Variants in PRSS35 observed in about 807,000 individuals in gnomAD.
The protein encoded by PRSS35 is serine protease 35, also known as inactive serine protease 35.
PRSS35 carries 7 observed loss-of-function variants against 8.1 expected under a neutral mutation model. That is an observed-to-expected ratio of 0.86 (90% CI 0.49 to 1.62). PRSS35 has a LOEUF of 1.62. PRSS35 is among the 40% of genes most tolerant of loss of function. The pLI is 0.00. For missense variants in PRSS35, 566 were observed against 518.0 expected, an observed-to-expected ratio of 1.09 and a Z score of -0.90; for synonymous variants, 199 against 188.7, an observed-to-expected ratio of 1.05 and a Z score of -0.45.
Position 83,517,576 on chromosome 6 carries a change from CT to C in PRSS35, c.-21+4886del, listed in dbSNP as rs374068001. 2.6e-3 allele frequency among the ~76,000 whole-genome samples: 401 copies of C among 152,318 alleles called. 1 individual carries two copies. The highest frequency in any genetic ancestry group is 8.7e-3 in the African/African-American group (360 of 41,570). On this transcript the variant is annotated intron_variant, in intron 1 of 1. Transcript: ENST00000369700. Reference sequence around the variant, plus strand: ...AATTCTCCCCCTCTCCTGCTGTGGCCTTTTGCCTAAGCCATTTCTCTCTGCA... The same window carrying C: ...AATTCTCCCCCTCTCCTGCTGTGGCCTTTGCCTAAGCCATTTCTCTCTGCA...
chr6:83,521,848 G>A (rs932616924), intron 1 of PRSS35, among the ~76,000 whole-genome samples: 1 of 151,944 alleles, frequency 6.6e-6, no homozygotes, highest in Non-Finnish European at 1.5e-5. Context: ...ATTATGTTAT[G>A]TTTTCATTAA....
intron 1 of PRSS35, among the ~76,000 whole-genome samples, chr6:83,518,897 A>G (rs1246486433): frequency 6.6e-6 from 1 of 152,162 alleles, no homozygotes; most frequent in Non-Finnish European, 1.5e-5. Context: ...TATTATCCCC[A>G]CTTTGCAGAT....
At position 83,524,619 on chromosome 6, in the gene PRSS35, C is replaced by A. The variant is rs775688536; in HGVS notation, c.1178C>A (p.Pro393His). The A allele has an allele frequency of 1.9e-6, 3 of 1,613,980 alleles. No homozygotes were observed. The East Asian group carries it at 6.7e-5, about 36-fold the overall frequency. Reference sequence around the variant, plus strand: ...TACAACGTTGCTGTTCGCATCACTCCCCTAAAATACGCCCAGATTTGCCTC... The same window carrying A: ...TACAACGTTGCTGTTCGCATCACTCACCTAAAATACGCCCAGATTTGCCTC... ...KDYNVAVRIT[P>H]LKYAQICLWI... Residue 393 changes from proline to histidine, a missense_variant, in exon 2 of 2, where the codon CCC becomes CAC. Coordinates refer to ENST00000369700, the MANE Select transcript of PRSS35 (RefSeq NM_153362.3).
intron 1 of PRSS35, 74 bp from the exon 2 acceptor site, chr6:83,523,348 A>G (rs1771856866): frequency 8.6e-7 from 1 of 1,167,130 alleles, no homozygotes. Flanking sequence ...TTTAGGATCC[A>G]AGGGCTGAAT....
In PRSS35 at chr6:83,523,713, G is replaced by A. The variant is rs762634774; in HGVS notation, c.272G>A (p.Gly91Asp). ...TCCTATGAGACTGTCTTTGAGAATG[G>A]CACCCGAACCTTAACCAGGGTGAAA... ...YLSYETVFEN[G>D]TRTLTRVKVQ... Residue 91 changes from glycine to aspartate, a missense_variant, in exon 2 of 2, where the codon GGC (glycine) becomes GAC (aspartate). By Grantham distance (94) the Gly-to-Asp change is moderately conservative. Transcript: ENST00000369700. The A allele has an allele frequency of 1.9e-6, 3 of 1,614,154 alleles. No homozygotes were observed. Among genetic ancestry groups the A allele is most frequent in the Non-Finnish European group, 2.5e-6 (3 of 1,180,042 alleles).
intron 1 of PRSS35, among the ~76,000 whole-genome samples, chr6:83,522,427 A>T (rs2127713715): frequency 6.6e-6 from 1 of 152,248 alleles, no homozygotes. Context: ...AGAAGATGTG[A>T]ATAGTAGGAG....
At chr6:83,516,111 G>A (rs1771708123) in intron 1 of PRSS35, among the ~76,000 whole-genome samples, 1 of 151,612 alleles carries the variant, frequency 6.6e-6, no homozygotes, top group Non-Finnish European at 1.5e-5. Flanking sequence ...CACAGCCTCC[G>A]CCACTCCCTA....
In PRSS35 at chr6:83,524,308, A is replaced by T. The variant is rs532737344; in HGVS notation, c.867A>T (p.Lys289Asn). The change falls in exon 2 of 2, where the codon AAA becomes AAT. Residue 289 changes from lysine to asparagine, a missense_variant. Physicochemically the swap from Lys to Asn is moderately conservative, Grantham distance 94. Transcript: ENST00000369700. ...AGCTGAAGCGTGCTCACAAAAAGAAATACATGGAACTTGGAATCAGCCCAA... is the reference window on the plus strand; with the variant it reads ...AGCTGAAGCGTGCTCACAAAAAGAATTACATGGAACTTGGAATCAGCCCAA... ...LLELKRAHKK[K>N]YMELGISPTI... 5 of 1,614,170 alleles carry T rather than the reference A, an allele frequency of 3.1e-6. No homozygotes were observed. The African/African-American group carries it at 5.3e-5, about 17-fold the overall frequency.
At chr6:83,523,384 G>T in intron 1 of PRSS35, 38 bp from the exon 2 acceptor site, 6 of 1,461,036 alleles carry the variant, frequency 4.1e-6, no homozygotes, top group Non-Finnish European at 5.6e-6. Flanking sequence ...GATTTAAAAA[G>T]GAAACATTAT....
chr6:83,524,946 T>G lies in PRSS35; in HGVS notation c.*263T>G. 2.5e-6 allele frequency: 1 copy of G among 407,700 alleles called. No homozygotes were observed. The highest frequency in any genetic ancestry group is 4.5e-6 in the Non-Finnish European group (1 of 222,448). 25.3% of individuals were successfully genotyped at this position (407,700 alleles called of 1,614,324 possible). On this transcript the variant is annotated 3_prime_UTR_variant, in exon 2 of 2. Coordinates refer to ENST00000369700, the MANE Select transcript of PRSS35 (RefSeq NM_153362.3). ...TTTGTAGAAAAATTTTGTTGCCTTC[T>G]TAAAAATTAGACACACTTTAAACCT... is the stretch of plus-strand genomic sequence containing the variant.
rs764955895 is a variant in PRSS35, at chr6:83,524,630, G to T, written c.1189G>T (p.Ala397Ser). ...VAVRITPLKYAQICLWIHGND... is the reference protein window; with the variant it reads ...VAVRITPLKYSQICLWIHGND... ...TGTTCGCATCACTCCCCTAAAATAC[G>T]CCCAGATTTGCCTCTGGATTCACGG... The change falls in exon 2 of 2, where the codon GCC (alanine) becomes TCC (serine). Residue 397 changes from alanine (A) to serine (S), a missense_variant. Ala to Ser is a moderately conservative substitution (Grantham distance 99, BLOSUM62 1). Transcript: ENST00000369700. The T allele has an allele frequency of 1.9e-6, 3 of 1,613,638 alleles. No homozygotes were observed. The highest frequency in any genetic ancestry group is 2.2e-5 in the South Asian group (2 of 90,960).
chr6:83,516,856 C>T (rs1414005), intron 1 of PRSS35, among the ~76,000 whole-genome samples: 23,489 of 152,058 alleles, frequency 0.15, 1,922 homozygotes, highest in East Asian at 0.24. Context: ...CCTATGATTG[C>T]ATTGGACCCA....
rs754529203 is a variant in PRSS35 at position 83,518,561 on chromosome 6, A to T, written c.-20-4861A>T. Among the ~76,000 whole-genome samples the T allele has an allele frequency of 2.6e-5, 4 of 152,142 alleles. No homozygotes were observed. In the East Asian group the frequency reaches 7.7e-4, roughly 29 times the overall value. ...CATAGAAATGAGTAATTAGGAAAGC[A>T]TTCATTTGGGAAGTCTCTAAAGTGA... On this transcript the variant is annotated intron_variant, in intron 1 of 1. Transcript: ENST00000369700.
chr6:83,524,775 G>T lies in PRSS35; in HGVS notation c.*92G>T. ...GAGATCACTTCATAGGTTATGCCTG[G>T]ACTTGAACTCTGTCAATAGCATTTC... On this transcript the variant is annotated 3_prime_UTR_variant, in exon 2 of 2. Transcript: ENST00000369700. 7.8e-7 allele frequency: 1 copy of T among 1,287,338 alleles called. No homozygotes were observed. Among genetic ancestry groups the T allele is most frequent in the South Asian group, 1.6e-5 (1 of 64,176 alleles). The allele number at this position is 1,287,338 out of a possible 1,614,324, so 79.7% of individuals were successfully genotyped here.
chr6:83,520,962 T>A (rs757009743), intron 1 of PRSS35, among the ~76,000 whole-genome samples: 5 of 152,198 alleles, frequency 3.3e-5, no homozygotes, highest in Non-Finnish European at 7.4e-5. Flanking sequence ...AGATACTTTG[T>A]GTCTCTTGAC....
chr6:83,522,082 C>G (rs928932725), intron 1 of PRSS35, among the ~76,000 whole-genome samples: 1 of 152,046 alleles, frequency 6.6e-6, no homozygotes, highest in African/African-American at 2.4e-5. Flanking sequence ...TGGGCCATTG[C>G]TAATGTGCTT....
rs1771919579 is a variant in PRSS35, at chr6:83,525,422, A to T, written c.*739A>T. ...TTTTAAGATCTCAAGTTTTTATTTA[A>T]CTAATACTCAAAATATGGACTTTTC... On this transcript the variant is annotated 3_prime_UTR_variant, in exon 2 of 2. Coordinates refer to ENST00000369700, the MANE Select transcript of PRSS35 (RefSeq NM_153362.3). The T allele has an allele frequency of 6.0e-6, 1 of 167,084 alleles. No individual in the cohort carries two copies. Among genetic ancestry groups the T allele is most frequent in the South Asian group, 2.1e-4 (1 of 4,836 alleles). The allele number at this position is 167,084 out of a possible 1,614,324, so 10.4% of individuals were successfully genotyped here. A position where few individuals can be genotyped will look rare whatever the true frequency, so the allele number is the denominator to read the frequency against.
intron 1 of PRSS35, among the ~76,000 whole-genome samples, chr6:83,514,115 G>T (rs1771671696): frequency 6.6e-6 from 1 of 152,110 alleles, no homozygotes; most frequent in Non-Finnish European, 1.5e-5. Flanking sequence ...AACTGATGTG[G>T]GTTAGCTAAA....
chr6:83,514,905 T>A (rs1426655580), intron 1 of PRSS35, among the ~76,000 whole-genome samples: 2 of 152,224 alleles, frequency 1.3e-5, no homozygotes, highest in African/African-American at 4.8e-5. Context: ...TATGTCTCCC[T>A]ATGTCACAGC....
Sources: allele counts gnomAD v4.1 joint callset (sites outside exome capture counted in the v4.1 genomes callset), GRCh38; gene constraint gnomAD v4.1.1; transcripts MANE v1.5; gene names NCBI Gene and HGNC (gene_info 2026-07-23, HGNC 2026-07-21).